Variants in INTS15 observed in about 807,000 individuals in gnomAD.
INTS15 encodes the protein integrator complex subunit 15.
the INTS15 span, among the ~76,000 whole-genome samples, chr7:6,591,438 G>A: frequency 5.3e-5 from 8 of 151,582 alleles, no homozygotes; most frequent in Admixed American, 5.3e-4. Context: ...GCTAATTGTT[G>A]TATTTTTAGT....
the INTS15 span, chr7:6,591,559 C>T: frequency 2.4e-6 from 3 of 1,234,778 alleles, no homozygotes; most frequent in Non-Finnish European, 3.5e-6. Context: ...CCACCGCGCC[C>T]AGTCTATTTC....
At chr7:6,594,324 T>A in the INTS15 span, 1 of 1,085,600 alleles carries the variant, frequency 9.2e-7, no homozygotes, top group Non-Finnish European at 1.4e-6. Flanking sequence ...ATCTTTTTTT[T>A]GTCTTGGAAG....
chr7:6,608,410 G>C, the INTS15 span: 21 of 1,378,924 alleles, frequency 1.5e-5, no homozygotes, highest in Non-Finnish European at 1.9e-5. Context: ...AAAAGATGCC[G>C]ATCCTGGGAG....
the INTS15 span, among the ~76,000 whole-genome samples, chr7:6,606,403 G>A: frequency 2.6e-5 from 4 of 152,258 alleles, no homozygotes; most frequent in East Asian, 1.9e-4. Context: ...AGGCAGGGCC[G>A]TGGCTGGGAA....
the INTS15 span, chr7:6,608,234 A>G: frequency 6.6e-7 from 1 of 1,520,582 alleles, no homozygotes; most frequent in Non-Finnish European, 8.8e-7. Context: ...CCGGACTCCC[A>G]GAAGAGAACC....
At chr7:6,590,421 G>T in the INTS15 span, 1 of 1,603,468 alleles carries the variant, frequency 6.2e-7, no homozygotes, top group East Asian at 2.3e-5. Flanking sequence ...GCCCCGTGGA[G>T]CTGCTGGAGG....
chr7:6,590,787 A>G, the INTS15 span, among the ~76,000 whole-genome samples: 4 of 151,860 alleles, frequency 2.6e-5, no homozygotes, highest in Admixed American at 6.6e-5. Flanking sequence ...AGGAGGATGT[A>G]TAATGATCTG....
chr7:6,605,943 C>T, the INTS15 span, among the ~76,000 whole-genome samples: 2 of 151,796 alleles, frequency 1.3e-5, no homozygotes, highest in Non-Finnish European at 2.9e-5. Flanking sequence ...AGGTGATCTG[C>T]CTTCCTCGGC....
At chr7:6,590,199 T>G in the INTS15 span, 1 of 1,259,682 alleles carries the variant, frequency 7.9e-7, no homozygotes, top group Non-Finnish European at 1.0e-6. Flanking sequence ...GGGTCGCGCC[T>G]CTTTGTTTCC....
At chr7:6,590,292 C>T in the INTS15 span, 3 of 1,567,284 alleles carry the variant, frequency 1.9e-6, no homozygotes, top group Non-Finnish European at 2.6e-6. Flanking sequence ...CCATGAGCGA[C>T]ATCCGCCACT....
At chr7:6,601,928 A>C in the INTS15 span, among the ~76,000 whole-genome samples, 1 of 152,206 alleles carries the variant, frequency 6.6e-6, no homozygotes, top group Admixed American at 6.5e-5. Context: ...AAGTGCTGGG[A>C]ATACAGGCGT....
At chr7:6,602,741 C>T in the INTS15 span, 869 of 471,170 alleles carry the variant, frequency 1.8e-3, 6 homozygotes, top group African/African-American at 0.015. Flanking sequence ...CCTCCACAAA[C>T]GCAGTCATCA....
the INTS15 span, chr7:6,607,946 G>A: frequency 1.3e-6 from 2 of 1,598,692 alleles, no homozygotes; most frequent in Non-Finnish European, 1.7e-6. The surrounding 1 kb of genome is among the most constrained non-coding windows in gnomAD (Gnocchi z 6.0). Context: ...TGACGCTTAT[G>A]CTTGTGTTCG....
At chr7:6,604,735 C>T in the INTS15 span, among the ~76,000 whole-genome samples, 3 of 152,362 alleles carry the variant, frequency 2.0e-5, no homozygotes, top group East Asian at 3.9e-4. Context: ...TGCTGGTCCA[C>T]AGCCTGCAGA....
At chr7:6,605,081 G>A in the INTS15 span, among the ~76,000 whole-genome samples, 5 of 151,874 alleles carry the variant, frequency 3.3e-5, no homozygotes, top group Non-Finnish European at 7.4e-5. Context: ...CAACCTCCGC[G>A]TCCTGGATTC....
the INTS15 span, among the ~76,000 whole-genome samples, chr7:6,593,967 G>C: frequency 1.4e-4 from 20 of 141,034 alleles, no homozygotes; most frequent in Non-Finnish European, 3.0e-4. Context: ...GTGAGCTTCA[G>C]ATTGCCCACC....
chr7:6,603,359 C>T, the INTS15 span, among the ~76,000 whole-genome samples: 1 of 151,724 alleles, frequency 6.6e-6, no homozygotes, highest in Non-Finnish European at 1.5e-5. Flanking sequence ...ACCAGCCTGG[C>T]CAACATGGTG....
At chr7:6,608,128 C>T in the INTS15 span, 2 of 1,566,572 alleles carry the variant, frequency 1.3e-6, no homozygotes, top group African/African-American at 1.4e-5. Context: ...CCTTCATCTC[C>T]GGCGTGACCT....
the INTS15 span, among the ~76,000 whole-genome samples, chr7:6,595,213 A>G: frequency 6.6e-6 from 1 of 151,922 alleles, no homozygotes; most frequent in Non-Finnish European, 1.5e-5. Flanking sequence ...TGTATTTTTT[A>G]TAGAGACAGG....
Sources: allele counts gnomAD v4.1 joint callset (sites outside exome capture counted in the v4.1 genomes callset), GRCh38; gene constraint gnomAD v4.1.1; non-coding constraint Gnocchi (gnomAD v3.1); transcripts MANE v1.5; gene names NCBI Gene and HGNC (gene_info 2026-07-23, HGNC 2026-07-21).